Variants in DYM observed in about 807,000 individuals in gnomAD.
The protein encoded by DYM is dymeclin.
DYM carries 78 observed loss-of-function variants against 93.1 expected under a neutral mutation model. The ratio of observed to expected loss-of-function variants is 0.84; its 90% CI spans 0.70 to 1.01. The LOEUF is 1.01. Ranked by LOEUF, DYM falls within the 50% of genes least tolerant of loss-of-function variation. The pLI, the probability that DYM is intolerant of heterozygous loss-of-function variation, is 0.00. For synonymous variants in DYM, 321 were observed against 319.7 expected (o/e 1.00, Z -0.04); for missense variants, 789 against 845.0 (o/e 0.93, Z 0.82).
chr18:49,336,887 T>C (rs1336611424), intron 6 of DYM, among the ~76,000 whole-genome samples: 1 of 152,220 alleles, frequency 6.6e-6, no homozygotes, highest in Non-Finnish European at 1.5e-5. Context: ...TCTTAAAAAG[T>C]GGCATTTAAA....
At chr18:49,111,340 C>T (rs1444318815) in intron 16 of DYM, among the ~76,000 whole-genome samples, 1 of 152,162 alleles carries the variant, frequency 6.6e-6, no homozygotes, top group Non-Finnish European at 1.5e-5. Context: ...ATCATAATTA[C>T]AGTCCCAGCC....
intron 2 of DYM, among the ~76,000 whole-genome samples, chr18:49,395,631 A>G (rs1184474576): frequency 1.3e-5 from 2 of 151,798 alleles, no homozygotes; most frequent in African/African-American, 2.4e-5. Flanking sequence ...CTCTGTCTAA[A>G]AAAAAAAAAA....
At chr18:49,289,401 CAGTA>C (rs2059878001) in intron 8 of DYM, among the ~76,000 whole-genome samples, 1 of 14,688 alleles carries the variant, frequency 6.8e-5, no homozygotes, top group South Asian at 1.8e-3. Context: ...ATCTACAAAT[CAGTA>C]AAAAAAAAAA....
At chr18:49,248,756 A>T (rs1251295787) in intron 13 of DYM, among the ~76,000 whole-genome samples, 1 of 152,216 alleles carries the variant, frequency 6.6e-6, no homozygotes, top group Non-Finnish European at 1.5e-5. Context: ...AATTAAAAAT[A>T]AAGTTTAATA....
chr18:49,210,981 A>C (rs1232006635), intron 13 of DYM, among the ~76,000 whole-genome samples: 1 of 152,246 alleles, frequency 6.6e-6, no homozygotes, highest in Admixed American at 6.5e-5. Flanking sequence ...TCACGGTATT[A>C]GGAATATGTT....
At chr18:49,418,338 A>G (rs1439674245) in intron 2 of DYM, among the ~76,000 whole-genome samples, 3 of 152,192 alleles carry the variant, frequency 2.0e-5, no homozygotes, top group East Asian at 3.8e-4. Context: ...AATCAGTCAT[A>G]TAAGTAGTTT....
intron 2 of DYM, among the ~76,000 whole-genome samples, chr18:49,392,245 T>C (rs2069345379): frequency 1.3e-5 from 2 of 151,358 alleles, no homozygotes; most frequent in South Asian, 2.1e-4. Flanking sequence ...GAGACAGAAA[T>C]AAAGCTTAGA....
In DYM at chr18:49,438,801, C is replaced by A. The variant is rs1248165663; in HGVS notation, c.-53-8354G>T. 1.3e-5 allele frequency among the ~76,000 whole-genome samples: 2 copies of A among 152,188 alleles called. 1 individual carries two copies. Among genetic ancestry groups the A allele is most frequent in the South Asian group, 4.1e-4 (2 of 4,828 alleles). On this transcript the variant is annotated intron_variant, in intron 1 of 17. Transcript: ENST00000675505. The stretch of plus-strand genomic sequence containing the variant: ...TGCCAGAAAGATCCACCTGCTCCCC[C>A]ACAAAAAGCAAAGTAGAAAACTGAG...
intron 2 of DYM, among the ~76,000 whole-genome samples, chr18:49,414,173 A>G (rs1298497833): frequency 6.6e-6 from 1 of 152,134 alleles, no homozygotes; most frequent in Non-Finnish European, 1.5e-5. Context: ...GAGGGAGAGG[A>G]TGGGAAGTTA....
intron 15 of DYM, among the ~76,000 whole-genome samples, chr18:49,153,956 A>C (rs1391017845): frequency 6.6e-6 from 1 of 152,180 alleles, no homozygotes; most frequent in East Asian, 1.9e-4. Context: ...GGCATACCTC[A>C]CCTTAGCAAA....
chr18:49,213,157 C>A (rs2092866715), intron 13 of DYM, among the ~76,000 whole-genome samples: 1 of 152,108 alleles, frequency 6.6e-6, no homozygotes, highest in Admixed American at 6.5e-5. Flanking sequence ...GAACAACATT[C>A]AAGTCTGTAA....
chr18:49,453,668 G>A (rs959025449), intron 1 of DYM, among the ~76,000 whole-genome samples: 34 of 152,158 alleles, frequency 2.2e-4, no homozygotes, highest in Admixed American at 2.1e-3. Context: ...TGAAATACTG[G>A]AAAGAGAGTT....
chr18:49,157,937 T>A (rs1288008911), intron 15 of DYM, among the ~76,000 whole-genome samples: 1 of 152,182 alleles, frequency 6.6e-6, no homozygotes, highest in Admixed American at 6.5e-5. Context: ...TTCTTGTGTA[T>A]AGAATGAGTG....
At chr18:49,301,522 GAAAAAAAAAA>G (rs1184317921) in intron 8 of DYM, among the ~76,000 whole-genome samples, 2 of 46,398 alleles carry the variant, frequency 4.3e-5, no homozygotes, top group Admixed American at 4.5e-4. Flanking sequence ...CTCCGTCTCA[GAAAAAAAAAA>G]AAAAAAAAGG....
chr18:49,226,060 T>G (rs543047497), intron 13 of DYM, among the ~76,000 whole-genome samples: 1 of 152,066 alleles, frequency 6.6e-6, no homozygotes, highest in Non-Finnish European at 1.5e-5. Context: ...CTCATTCTCT[T>G]CCACATAGAA....
chr18:49,121,084 A>C (rs572542559), intron 15 of DYM, among the ~76,000 whole-genome samples: 6 of 152,382 alleles, frequency 3.9e-5, no homozygotes, highest in African/African-American at 1.4e-4. Context: ...CATCAGCAGA[A>C]TATGACACAG....
chr18:49,080,840 A>G (rs1407929435), intron 17 of DYM, among the ~76,000 whole-genome samples: 1 of 150,184 alleles, frequency 6.7e-6, no homozygotes, highest in Non-Finnish European at 1.5e-5. Flanking sequence ...GGCTGGGCAG[A>G]GACGCTCCTC....
intron 14 of DYM, among the ~76,000 whole-genome samples, chr18:49,177,482 C>T (rs1324949011): frequency 6.6e-6 from 1 of 151,934 alleles, no homozygotes; most frequent in Non-Finnish European, 1.5e-5. Flanking sequence ...TTTGCTTAGC[C>T]CTTAATCTTA....
chr18:49,207,539 A>C (rs1242085011), intron 14 of DYM, among the ~76,000 whole-genome samples: 1 of 152,236 alleles, frequency 6.6e-6, no homozygotes, highest in Non-Finnish European at 1.5e-5. Flanking sequence ...TGGAATGTTA[A>C]GGAAAGCAGA....
Sources: allele counts gnomAD v4.1 joint callset (sites outside exome capture counted in the v4.1 genomes callset), GRCh38; gene constraint gnomAD v4.1.1; transcripts MANE v1.5; gene names NCBI Gene and HGNC (gene_info 2026-07-23, HGNC 2026-07-21).